Variants in GRIK2 observed in about 807,000 individuals in gnomAD.
GRIK2 encodes the protein glutamate receptor ionotropic, kainate 2.
GRIK2 carries 32 observed loss-of-function variants against 100.3 expected under a neutral mutation model. That is an observed-to-expected ratio of 0.32 (90% CI 0.24 to 0.43). The LOEUF (loss-of-function observed/expected upper bound fraction) is 0.43. Ranked by LOEUF, GRIK2 falls within the 20% of genes least tolerant of loss-of-function variation. The probability of loss-of-function intolerance (pLI) is 1.00; values close to 1 mark genes in which losing one functional copy is unlikely to be tolerated. For synonymous variants in GRIK2, 417 were observed against 389.4 expected (o/e 1.07, Z -0.83); for missense variants, 843 against 1,114.9 (o/e 0.76, Z 3.47).
chr6:101,539,015 G>GA (rs537867253), intron 2 of GRIK2, among the ~76,000 whole-genome samples: 118 of 148,114 alleles, frequency 8.0e-4, no homozygotes, highest in African/African-American at 2.6e-3. Flanking sequence ...CTGGCATGTT[G>GA]AAAAAAAAAG....
At chr6:101,804,074 CTA>C (rs1780835898) in intron 9 of GRIK2, among the ~76,000 whole-genome samples, 1 of 151,746 alleles carries the variant, frequency 6.6e-6, no homozygotes, top group Non-Finnish European at 1.5e-5. Context: ...CAATCAAAAG[CTA>C]TATGTTTCAA....
chr6:101,788,544 A>AT (rs1312311478), intron 7 of GRIK2, among the ~76,000 whole-genome samples: 2 of 151,908 alleles, frequency 1.3e-5, no homozygotes, highest in African/African-American at 4.8e-5. Flanking sequence ...TGAACTCATC[A>AT]TTTTTTTATG....
At chr6:101,888,572 T>A (rs577914887) in intron 11 of GRIK2, among the ~76,000 whole-genome samples, 32 of 152,150 alleles carry the variant, frequency 2.1e-4, no homozygotes, top group Non-Finnish European at 4.3e-4. Context: ...AAAGATACTC[T>A]TTCCAAGCAT....
chr6:101,534,649 C>G (rs1360347854), intron 2 of GRIK2, among the ~76,000 whole-genome samples: 3 of 151,724 alleles, frequency 2.0e-5, no homozygotes, highest in Non-Finnish European at 4.4e-5. Flanking sequence ...GGAAGACAGT[C>G]TATGTATAAT....
chr6:101,570,850 C>A (rs1777493685), intron 2 of GRIK2, among the ~76,000 whole-genome samples: 1 of 151,998 alleles, frequency 6.6e-6, no homozygotes, highest in Admixed American at 6.6e-5. Context: ...GGAGGGAAGA[C>A]TTGTTTGGAA....
chr6:101,725,138 A>G (rs1744900828), intron 7 of GRIK2, among the ~76,000 whole-genome samples: 1 of 152,062 alleles, frequency 6.6e-6, no homozygotes, highest in African/African-American at 2.4e-5. Flanking sequence ...TCATTCATAT[A>G]TTAAGTGGCT....
intron 7 of GRIK2, among the ~76,000 whole-genome samples, chr6:101,741,233 G>A (rs2128377774): frequency 6.6e-6 from 1 of 152,236 alleles, no homozygotes; most frequent in Middle Eastern, 3.4e-3. Context: ...ATTCTAATGG[G>A]AAATAGGGTC....
chr6:101,776,441 T>C (rs1778752687), intron 7 of GRIK2, among the ~76,000 whole-genome samples: 1 of 152,180 alleles, frequency 6.6e-6, no homozygotes, highest in South Asian at 2.1e-4. Context: ...TATGGTTATA[T>C]TACAAAACCG....
intron 14 of GRIK2, among the ~76,000 whole-genome samples, chr6:101,976,537 A>G (rs1391305973): frequency 1.3e-5 from 2 of 151,952 alleles, no homozygotes; most frequent in African/African-American, 4.8e-5. Flanking sequence ...CTCTATAAAA[A>G]TATTAGCCAG....
chr6:101,816,798 C>T (rs905637452), intron 9 of GRIK2, among the ~76,000 whole-genome samples: 9 of 152,036 alleles, frequency 5.9e-5, no homozygotes, highest in Non-Finnish European at 1.0e-4. Flanking sequence ...TACCCAGGTC[C>T]CCAGCAGGCC....
chr6:101,756,090 C>T (rs1221124887), intron 7 of GRIK2, among the ~76,000 whole-genome samples: 1 of 152,132 alleles, frequency 6.6e-6, no homozygotes, highest in Non-Finnish European at 1.5e-5. Flanking sequence ...TTAATAACAT[C>T]TGAAGCCAAC....
chr6:101,504,465 C>A (rs1388858947), intron 2 of GRIK2, among the ~76,000 whole-genome samples: 1 of 151,648 alleles, frequency 6.6e-6, no homozygotes. Context: ...ATTTTTTAAT[C>A]TGAAATACCT....
chr6:101,439,474 C>T (rs1769926590), intron 2 of GRIK2, among the ~76,000 whole-genome samples: 1 of 152,086 alleles, frequency 6.6e-6, no homozygotes, highest in South Asian at 2.1e-4. Context: ...TATCTATCCC[C>T]AGTCTTATCT....
chr6:101,736,394 C>T (rs534583746), intron 7 of GRIK2, among the ~76,000 whole-genome samples: 16 of 152,312 alleles, frequency 1.1e-4, no homozygotes, highest in Non-Finnish European at 2.1e-4. Context: ...GGCCCCATCC[C>T]TGCAGCAAAC....
intron 14 of GRIK2, among the ~76,000 whole-genome samples, chr6:101,976,719 T>G (rs1793402039): frequency 6.6e-6 from 1 of 151,382 alleles, no homozygotes; most frequent in Non-Finnish European, 1.5e-5. Flanking sequence ...CTGTGGAATA[T>G]GGATTTAGAA....
At chr6:101,661,838 G>C (rs1582913581) in intron 4 of GRIK2, among the ~76,000 whole-genome samples, 1 of 152,054 alleles carries the variant, frequency 6.6e-6, no homozygotes, top group Non-Finnish European at 1.5e-5. Flanking sequence ...GATGAGCTGG[G>C]TACCTCAGTT....
chr6:101,855,242 T>C (rs984704415), intron 10 of GRIK2, among the ~76,000 whole-genome samples: 5 of 152,216 alleles, frequency 3.3e-5, no homozygotes, highest in Admixed American at 1.3e-4. Flanking sequence ...TTTTCTTCTA[T>C]GCACTGAGAT....
At chr6:101,548,038 T>A (rs925930120) in intron 2 of GRIK2, among the ~76,000 whole-genome samples, 4 of 151,960 alleles carry the variant, frequency 2.6e-5, no homozygotes, top group Non-Finnish European at 5.9e-5. Context: ...GGTATCTCAT[T>A]GTGGTTTTGA....
intron 2 of GRIK2, chr6:101,431,201 C>A (rs1003714673): frequency 5.0e-6 from 1 of 201,182 alleles, no homozygotes; most frequent in Non-Finnish European, 1.1e-5. Context: ...GGGTATGATG[C>A]CAGATCTTCT....
Sources: allele counts gnomAD v4.1 joint callset (sites outside exome capture counted in the v4.1 genomes callset), GRCh38; gene constraint gnomAD v4.1.1; transcripts MANE v1.5; gene names NCBI Gene and HGNC (gene_info 2026-07-23, HGNC 2026-07-21).